The following CSMD2 variants were observed in gnomAD, a reference collection of about 807,000 sequenced individuals.
The protein encoded by CSMD2 is CUB and sushi domain-containing protein 2.
In CSMD2, 130 loss-of-function variants were observed where a neutral mutation model predicts 398.5. The observed-to-expected ratio is 0.33, with a 90% CI of 0.28 to 0.38. The LOEUF is 0.38. Ranked by LOEUF, CSMD2 falls within the 10% of genes least tolerant of loss-of-function variation. The pLI, the probability that CSMD2 is intolerant of heterozygous loss-of-function variation, is 1.00. For synonymous variants in CSMD2, 1,828 were observed against 1,908.5 expected, an observed-to-expected ratio of 0.96 and a Z score of 1.10; for missense variants, 3,829 against 4,764.9, an observed-to-expected ratio of 0.80 and a Z score of 5.78.
chr1:33,659,443 A>G (rs1030379463), intron 26 of CSMD2, among the ~76,000 whole-genome samples: 1 of 152,258 alleles, frequency 6.6e-6, no homozygotes, highest in African/African-American at 2.4e-5. Flanking sequence ...CTCTAGGGCA[A>G]GGAGGTTCTT....
chr1:33,601,035 G>A (rs1200503118), intron 43 of CSMD2, 25 bp from the exon 44 acceptor site: 4 of 1,613,676 alleles, frequency 2.5e-6, no homozygotes, highest in Non-Finnish European at 2.5e-6. Flanking sequence ...CAAGGTCCTG[G>A]CATGTCACTA....
intron 24 of CSMD2, among the ~76,000 whole-genome samples, chr1:33,697,159 G>C (rs1405008552): frequency 6.6e-6 from 1 of 152,146 alleles, no homozygotes; most frequent in Non-Finnish European, 1.5e-5. Context: ...AATCTTTTCT[G>C]CAAAGCAAAT....
chr1:33,799,326 T>A (rs1655322833), intron 10 of CSMD2, among the ~76,000 whole-genome samples: 1 of 152,202 alleles, frequency 6.6e-6, no homozygotes, highest in Admixed American at 6.5e-5. Flanking sequence ...CCTAGAGCAA[T>A]GGTTTTCAAA....
chr1:34,130,409 A>AAAT (rs1663223515), intron 1 of CSMD2, among the ~76,000 whole-genome samples: 2 of 151,156 alleles, frequency 1.3e-5, no homozygotes, highest in Non-Finnish European at 3.0e-5. Flanking sequence ...AAAAAAAAAA[A>AAAT]AGTTTGTTGT....
intron 44 of CSMD2, chr1:33,592,392 G>A (rs1201316778): frequency 4.2e-6 from 3 of 715,554 alleles, no homozygotes; most frequent in Non-Finnish European, 5.2e-6. Flanking sequence ...CCCTGCTGCA[G>A]TCAGCTCAGG....
intron 4 of CSMD2, among the ~76,000 whole-genome samples, chr1:33,921,702 G>A (rs1213707472): frequency 6.6e-6 from 1 of 152,260 alleles, no homozygotes; most frequent in Non-Finnish European, 1.5e-5. Flanking sequence ...GCTGCTTGGG[G>A]GAAGGCCTTG....
intron 25 of CSMD2, among the ~76,000 whole-genome samples, chr1:33,675,718 T>C (rs896028883): frequency 2.6e-5 from 4 of 152,192 alleles, no homozygotes; most frequent in African/African-American, 7.2e-5. Flanking sequence ...AATAAAATAC[T>C]GGCAAACCGA....
At chr1:33,698,058 C>T (rs1557748508) in intron 24 of CSMD2, among the ~76,000 whole-genome samples, 1 of 152,172 alleles carries the variant, frequency 6.6e-6, no homozygotes. Flanking sequence ...TATGGGGGAA[C>T]TCACATTAGC....
chr1:33,591,416 C>A (rs184370986), intron 44 of CSMD2, among the ~76,000 whole-genome samples: 1 of 152,158 alleles, frequency 6.6e-6, no homozygotes, highest in Non-Finnish European at 1.5e-5. Flanking sequence ...TATTGAAATG[C>A]CTTCCTTTGC....
chr1:33,614,491 T>G lies in CSMD2; in HGVS notation c.6133+13A>C. On this transcript the variant is annotated intron_variant, in intron 40 of 70. Transcript: ENST00000373381. ...CTTGAAGCCTGTCTCCTCTGGGGGC[T>G]GCAGAGACTTACCAAAGCCCACGGG... 2.8e-6 allele frequency: 4 copies of G among 1,442,698 alleles called. No individual in the cohort carries two copies. In the South Asian group the frequency reaches 4.6e-5, roughly 17 times the overall value. 89.4% of individuals were successfully genotyped at this position (1,442,698 alleles called of 1,614,324 possible).
At chr1:33,569,587 A>T in intron 51 of CSMD2, 40 bp from the exon 52 acceptor site, 1 of 1,597,756 alleles carries the variant, frequency 6.3e-7, no homozygotes, top group Non-Finnish European at 8.6e-7. Flanking sequence ...CAGCCCCAAG[A>T]GGAGGGACAT....
At chr1:34,103,587 G>C (rs1036999331) in intron 1 of CSMD2, among the ~76,000 whole-genome samples, 1 of 152,024 alleles carries the variant, frequency 6.6e-6, no homozygotes, top group Non-Finnish European at 1.5e-5. Context: ...GAGCCACTGC[G>C]TCCGACCCTC....
At chr1:34,076,928 A>AATATAT (rs1177320523) in intron 2 of CSMD2, among the ~76,000 whole-genome samples, 69 of 53,570 alleles carry the variant, frequency 1.3e-3, no homozygotes, top group African/African-American at 2.7e-3. Flanking sequence ...AAAAAAAAAA[A>AATATAT]ATATATATAT....
At position 33,698,858 on chromosome 1, in the gene CSMD2, C is replaced by A. The variant is rs757616344; in HGVS notation, c.3820G>T (p.Val1274Leu). Residue 1274 changes from valine to leucine, a missense_variant, in exon 24 of 71, where the codon GTG becomes TTG. Physicochemically the swap from Val to Leu is conservative, Grantham distance 32. Transcript: ENST00000373381. The part of the protein sequence containing the change: ...HDEGHFAGSS[V>L]SFSCDPGYSL... ...TATCCAGGGTCACAGCTGAAGGACA[C>A]GGAGCTCCCTGCAAAATGACCTTCA... is the stretch of plus-strand genomic sequence containing the variant. The A allele has an allele frequency of 3.1e-6, 5 of 1,614,188 alleles. No homozygotes were observed. The South Asian group carries it at 5.5e-5, about 18-fold the overall frequency.
intron 2 of CSMD2, among the ~76,000 whole-genome samples, chr1:34,084,912 TGTA>T: frequency 6.6e-6 from 1 of 152,310 alleles, no homozygotes; most frequent in South Asian, 2.1e-4. Flanking sequence ...ATCATGCTGC[TGTA>T]AAGACACATG....
In CSMD2 at chr1:33,617,550, G is replaced by A. The variant is rs769021323; in HGVS notation, c.5895C>T (p.Tyr1965=). ...PSNGVKTGER[Y]LVNDVVSFQC... is the part of the protein sequence containing the mutation. ...GGAAAGACACCACATCATTCACCAA[G>A]TAGCGCTCGCCAGTCTTCACCCCGT... is the stretch of plus-strand genomic sequence containing the variant. Residue 1965 remains tyrosine (Y), a synonymous_variant, in exon 38 of 71, where the codon TAC becomes TAT. Coordinates refer to ENST00000373381, the MANE Select transcript of CSMD2 (RefSeq NM_001281956.2). 7.4e-6 allele frequency: 12 copies of A among 1,614,154 alleles called. No homozygotes were observed. The highest frequency in any genetic ancestry group is 9.3e-6 in the Non-Finnish European group (11 of 1,180,012).
intron 29 of CSMD2, among the ~76,000 whole-genome samples, chr1:33,645,341 T>TTA (rs1452688331): frequency 4.9e-5 from 5 of 102,236 alleles, no homozygotes; most frequent in Non-Finnish European, 9.4e-5. Flanking sequence ...ATATGGAGCA[T>TTA]TATACACACA....
chr1:33,697,949 C>A (rs1309744708), intron 24 of CSMD2, among the ~76,000 whole-genome samples: 1 of 152,168 alleles, frequency 6.6e-6, no homozygotes, highest in African/African-American at 2.4e-5. Flanking sequence ...CAAGATTAGC[C>A]AGTGCTGGCA....
chr1:33,543,367 T>C lies in CSMD2; in HGVS notation c.9101-471A>G, dbSNP rs141348319. Among the ~76,000 whole-genome samples the C allele has an allele frequency of 3.9e-3, 598 of 152,376 alleles. 1 individual carries two copies. Among genetic ancestry groups the C allele is most frequent in the Middle Eastern group, 6.8e-3 (2 of 294 alleles). On this transcript the variant is annotated intron_variant, in intron 57 of 70. Coordinates refer to ENST00000373381, the MANE Select transcript of CSMD2 (RefSeq NM_001281956.2). ...TACAGAAACCAGAACATCTGTCCTATAGAACTTCACACTTTCTGGATTTTG... is the reference window on the plus strand; with the variant it reads ...TACAGAAACCAGAACATCTGTCCTACAGAACTTCACACTTTCTGGATTTTG...
Sources: gnomAD v4.1 joint callset for allele counts (sites outside exome capture counted in the v4.1 genomes callset) on GRCh38, gnomAD v4.1.1 for gene constraint, MANE v1.5 for transcripts, NCBI Gene and HGNC (gene_info 2026-07-23, HGNC 2026-07-21) for gene names.